PTBP3: variants seen among roughly 807,000 people sequenced by gnomAD.
The protein encoded by PTBP3 is polypyrimidine tract-binding protein 3.
PTBP3 carries 20 observed loss-of-function variants against 58.7 expected under a neutral mutation model. The observed-to-expected ratio is 0.34, with a 90% CI of 0.24 to 0.50. PTBP3 has a LOEUF of 0.50. PTBP3 is among the 20% of genes least tolerant of loss of function. The pLI is 0.98. For synonymous variants in PTBP3, 185 were observed against 219.8 expected (o/e 0.84, Z 1.40); for missense variants, 509 against 637.2 (o/e 0.80, Z 2.17).
At chr9:112,224,093 T>TGCA (rs747815351) in intron 13 of PTBP3, 40 bp downstream of exon 13, 1 of 1,552,358 alleles carries the variant, frequency 6.4e-7, no homozygotes, top group Non-Finnish European at 8.8e-7. Flanking sequence ...GCATACCATA[T>TGCA]TAAATAATTT....
Position 112,221,126 on chromosome 9 carries a change from T to C in PTBP3, c.*2725A>G, listed in dbSNP as rs1834792826. ...TAATTTTAGACACAAACTGATGGTT[T>C]CAAACATGCTATTTTAAAACAAGAA... On this transcript the variant is annotated 3_prime_UTR_variant, in exon 14 of 14. Coordinates refer to ENST00000374257, the MANE Select transcript of PTBP3 (RefSeq NM_001163788.4). 1.0e-6 allele frequency: 1 copy of C among 985,560 alleles called. No homozygotes were observed. The highest frequency in any genetic ancestry group is 1.7e-5 in the African/African-American group (1 of 57,238). The allele number at this position is 985,560 out of a possible 1,614,324, so 61.1% of individuals were successfully genotyped here. A position where few individuals can be genotyped will look rare whatever the true frequency, so the allele number is the denominator to read the frequency against.
At chr9:112,295,113 G>A (rs1012658718) in intron 2 of PTBP3, among the ~76,000 whole-genome samples, 5 of 151,778 alleles carry the variant, frequency 3.3e-5, no homozygotes, top group African/African-American at 7.3e-5. Flanking sequence ...GGTGGCAGGC[G>A]CCTATAATCC....
intron 12 of PTBP3, 112 bp from the exon 13 acceptor site, chr9:112,224,322 C>A: frequency 1.6e-6 from 1 of 624,314 alleles, no homozygotes; most frequent in South Asian, 3.5e-5. Context: ...ATTATTAAGC[C>A]ATATGACAAA....
chr9:112,348,601 G>C, the PTBP3 span, among the ~76,000 whole-genome samples: 1 of 152,208 alleles, frequency 6.6e-6, no homozygotes, highest in African/African-American at 2.4e-5. Flanking sequence ...GGAGGCAACC[G>C]CCCGGAAGCA....
chr9:112,252,190 G>A (rs1836152160), intron 6 of PTBP3: 1 of 153,388 alleles, frequency 6.5e-6, no homozygotes, highest in Admixed American at 6.5e-5. Context: ...AGCTCAACAG[G>A]AATAAACATT....
chr9:112,358,258 A>G, the PTBP3 span, among the ~76,000 whole-genome samples: 8 of 152,240 alleles, frequency 5.3e-5, no homozygotes, highest in South Asian at 1.7e-3. Flanking sequence ...TGCAGTGAGT[A>G]GATACCATGC....
intron 5 of PTBP3, among the ~76,000 whole-genome samples, chr9:112,256,845 C>CT (rs1175052009): frequency 4.9e-5 from 5 of 102,556 alleles, no homozygotes; most frequent in African/African-American, 2.2e-4. Context: ...TTTTTTTTCC[C>CT]TTTTTTTAAA....
At chr9:112,243,640 C>T (rs933501566) in intron 7 of PTBP3, among the ~76,000 whole-genome samples, 5 of 152,124 alleles carry the variant, frequency 3.3e-5, no homozygotes, top group African/African-American at 9.7e-5. Flanking sequence ...AAAGAATCCA[C>T]GGGCAAATTA....
At chr9:112,348,584 G>T in the PTBP3 span, among the ~76,000 whole-genome samples, 1 of 152,244 alleles carries the variant, frequency 6.6e-6, no homozygotes, top group African/African-American at 2.4e-5. Context: ...GGAAGAATCG[G>T]GAGAGCGGAG....
At chr9:112,235,662 A>C (rs1835411463) in intron 7 of PTBP3, among the ~76,000 whole-genome samples, 1 of 152,208 alleles carries the variant, frequency 6.6e-6, no homozygotes, top group African/African-American at 2.4e-5. Context: ...TAAGGGCACA[A>C]ACTCAGATTA....
At chr9:112,331,791 T>G (rs1830388994) in intron 1 of PTBP3, among the ~76,000 whole-genome samples, 1 of 152,104 alleles carries the variant, frequency 6.6e-6, no homozygotes, top group Admixed American at 6.5e-5. Context: ...GAAGGGAGAG[T>G]AAACTTCTTA....
At chr9:112,261,684 C>CA (rs1480552760) in intron 5 of PTBP3, among the ~76,000 whole-genome samples, 6 of 152,154 alleles carry the variant, frequency 3.9e-5, no homozygotes, top group Non-Finnish European at 8.8e-5. Context: ...TTTATATACA[C>CA]AGATTACCAG....
At position 112,252,848 on chromosome 9, in the gene PTBP3, T is replaced by C; in HGVS notation, c.517-60A>G. 5.2e-6 allele frequency: 5 copies of C among 960,592 alleles called. No homozygotes were observed. The South Asian group carries it at 5.8e-5, about 11-fold the overall frequency. 59.5% of individuals were successfully genotyped at this position (960,592 alleles called of 1,614,324 possible). On this transcript the variant is annotated intron_variant, in intron 5 of 13. Transcript: ENST00000374257. Reference sequence around the variant, plus strand: ...GAAAAGTATTAAACTGATGTATCTTTATAAATACAACTTGTTCATAAATCC... The same window carrying C: ...GAAAAGTATTAAACTGATGTATCTTCATAAATACAACTTGTTCATAAATCC...
At chr9:112,378,356 T>C in the PTBP3 span, among the ~76,000 whole-genome samples, 1 of 152,222 alleles carries the variant, frequency 6.6e-6, no homozygotes, top group Admixed American at 6.5e-5. Flanking sequence ...CAAAATATCG[T>C]TATGACTGAA....
chr9:112,260,136 T>A (rs1836530712), intron 5 of PTBP3, among the ~76,000 whole-genome samples: 1 of 152,210 alleles, frequency 6.6e-6, no homozygotes, highest in South Asian at 2.1e-4. Context: ...GTTGAACTCC[T>A]GACCTCAAGT....
chr9:112,320,314 A>ATATATATATATATATATATATT, intron 1 of PTBP3, among the ~76,000 whole-genome samples: 85 of 75,654 alleles, frequency 1.1e-3, no homozygotes, highest in South Asian at 1.9e-3. Flanking sequence ...ATATATATAT[A>ATATATATATATATATATATATT]TTTTTTTTTA....
the PTBP3 span, among the ~76,000 whole-genome samples, chr9:112,362,011 T>C: frequency 6.6e-6 from 1 of 152,356 alleles, no homozygotes; most frequent in South Asian, 2.1e-4. Context: ...TCTTTTCATG[T>C]GCTTGTTGCC....
chr9:112,225,461 T>C (rs7857737), intron 12 of PTBP3, among the ~76,000 whole-genome samples: 11 of 152,332 alleles, frequency 7.2e-5, no homozygotes, highest in African/African-American at 2.6e-4. Context: ...TTTGGGATGA[T>C]GAAAACGTTC....
rs190493401 is a variant in PTBP3 at position 112,232,769 on chromosome 9, A to G, written c.881-531T>C. On this transcript the variant is annotated intron_variant, in intron 8 of 13. Coordinates refer to ENST00000374257, the MANE Select transcript of PTBP3 (RefSeq NM_001163788.4). Reference sequence around the variant, plus strand: ...TCTGACCAAAATAGATATTTACAGAATTCAATATTCTTTTGTAGCAGAAAT... The same window carrying G: ...TCTGACCAAAATAGATATTTACAGAGTTCAATATTCTTTTGTAGCAGAAAT... Among the ~76,000 whole-genome samples, 15 of 152,292 alleles carry G rather than the reference A, an allele frequency of 9.8e-5. No individual in the cohort carries two copies. In the East Asian group the frequency reaches 2.3e-3, roughly 24 times the overall value.
Sources: gnomAD v4.1 joint callset for allele counts (sites outside exome capture counted in the v4.1 genomes callset) on GRCh38, gnomAD v4.1.1 for gene constraint, MANE v1.5 for transcripts, NCBI Gene and HGNC (gene_info 2026-07-23, HGNC 2026-07-21) for gene names.